Variants in DNAH14 observed in about 807,000 individuals in gnomAD.
DNAH14 encodes the protein dynein axonemal heavy chain 14.
Under a neutral mutation model 520.9 loss-of-function variants are expected in DNAH14, and 478 were observed. The ratio of observed to expected loss-of-function variants is 0.92; its 90% CI spans 0.85 to 0.99. The LOEUF (loss-of-function observed/expected upper bound fraction) is 0.99, where lower values mean the gene tolerates loss of function less well. DNAH14 is among the 50% of genes least tolerant of loss of function. The pLI is 0.00. For missense variants in DNAH14, 4,831 were observed against 5,234.5 expected (o/e 0.92, Z 2.38); for synonymous variants, 1,581 against 1,757.2 (o/e 0.90, Z 2.51).
chr1:224,982,980 G>A (rs1460811114), intron 8 of DNAH14, among the ~76,000 whole-genome samples: 1 of 152,126 alleles, frequency 6.6e-6, no homozygotes, highest in Non-Finnish European at 1.5e-5. Context: ...TTGTTCCGAG[G>A]TACAGTTTAA....
At chr1:225,116,530 T>C (rs1357715709) in intron 23 of DNAH14, among the ~76,000 whole-genome samples, 1 of 152,262 alleles carries the variant, frequency 6.6e-6, no homozygotes, top group Admixed American at 6.5e-5. Context: ...ATCTAATACC[T>C]ACAGGACATT....
chr1:225,082,487 T>C (rs969828751), intron 19 of DNAH14, 62 bp from the exon 20 acceptor site: 1 of 1,255,284 alleles, frequency 8.0e-7, no homozygotes, highest in African/African-American at 1.5e-5. Flanking sequence ...ATTTTCTCAA[T>C]TTTTTTGGTT....
chr1:225,351,709 T>G lies in DNAH14; in HGVS notation c.11359T>G (p.Cys3787Gly), dbSNP rs1574970826. The G allele has an allele frequency of 6.4e-7, 1 of 1,551,214 alleles. No individual in the cohort carries two copies. The highest frequency in any genetic ancestry group is 8.7e-7 in the Non-Finnish European group (1 of 1,146,696). ...QWLSDSRWRQ[C>G]QYVSTHLEPF... The stretch of plus-strand genomic sequence containing the variant: ...GCTGTCAGATTCCAGGTGGAGGCAG[T>G]GCCAATATGTCAGCACTCACCTGGA... Residue 3787 changes from cysteine (C) to glycine (G), a missense_variant, in exon 72 of 86, where the codon TGC becomes GGC. Coordinates refer to ENST00000682510, the MANE Select transcript of DNAH14 (RefSeq NM_001367479.1).
intron 11 of DNAH14, among the ~76,000 whole-genome samples, chr1:225,027,344 G>A (rs2066195143): frequency 6.6e-6 from 1 of 152,132 alleles, no homozygotes; most frequent in Non-Finnish European, 1.5e-5. Context: ...AGCTCAGGAG[G>A]AAAACATACA....
At chr1:225,278,632 C>T (rs1006875535) in intron 54 of DNAH14, among the ~76,000 whole-genome samples, 2 of 152,146 alleles carry the variant, frequency 1.3e-5, no homozygotes, top group African/African-American at 2.4e-5. Context: ...AGAACATAAG[C>T]TCTACAAGGG....
intron 27 of DNAH14, among the ~76,000 whole-genome samples, chr1:225,123,903 C>T (rs1281269353): frequency 6.6e-6 from 1 of 152,070 alleles, no homozygotes; most frequent in Non-Finnish European, 1.5e-5. Context: ...CAGGTGTGCA[C>T]CACCATGCCT....
Position 225,337,289 on chromosome 1 carries a change from A to G in DNAH14, c.10104A>G (p.Gly3368=), listed in dbSNP as rs1242653197. 1 of 1,551,894 alleles carries G rather than the reference A, an allele frequency of 6.4e-7. No homozygotes were observed. Among genetic ancestry groups the G allele is most frequent in the Admixed American group, 2.0e-5 (1 of 50,984 alleles). Residue 3368 remains glycine (G), a synonymous_variant, in exon 67 of 86, where the codon GGA becomes GGG. Transcript: ENST00000682510. ...AGATCAGCCGATGGCATAATCAGGG[A>G]CTGCCTCATGGTCAGTATTCAGTAG... ...KYEISRWHNQ[G]LPHGQYSVEN...
intron 21 of DNAH14, among the ~76,000 whole-genome samples, chr1:225,091,138 G>T (rs746961499): frequency 2.0e-5 from 3 of 152,106 alleles, no homozygotes; most frequent in Admixed American, 6.6e-5. Context: ...GAAAGAGAGG[G>T]AGAGAAAGAA....
At position 225,059,964 on chromosome 1, in the gene DNAH14, TC is replaced by T. The variant is rs962642665; in HGVS notation, c.2424+8172del. ...TCTCTCTGGCTGCCCTTAACATTTT[TC>T]CCTTCATTTCAACTTTGGTGAATCT... On this transcript the variant is annotated intron_variant, in intron 17 of 85. Transcript: ENST00000682510. Among the ~76,000 whole-genome samples the T allele has an allele frequency of 6.0e-4, 91 of 152,022 alleles. No individual in the cohort carries two copies. In the Middle Eastern group the frequency reaches 0.01, roughly 17 times the overall value.
rs548526434 is a variant in DNAH14, at chr1:225,160,316, A to T, written c.5445+831A>T. Among the ~76,000 whole-genome samples the T allele has an allele frequency of 2.0e-4, 31 of 152,326 alleles. 1 individual carries two copies. In the South Asian group the frequency reaches 6.4e-3, roughly 32 times the overall value. The stretch of plus-strand genomic sequence containing the variant: ...TGAAATCCAACCTGTCTTCAAAAAA[A>T]TACTTTTAAAATTTATTTAGAAAAC... On this transcript the variant is annotated intron_variant, in intron 35 of 85. Transcript: ENST00000682510.
chr1:225,086,011 T>C (rs2073731228), intron 21 of DNAH14, among the ~76,000 whole-genome samples: 1 of 151,928 alleles, frequency 6.6e-6, no homozygotes, highest in Non-Finnish European at 1.5e-5. Flanking sequence ...GCAGAAAAGA[T>C]AAATTTAGAT....
At chr1:225,347,008 A>C (rs2095295635) in intron 71 of DNAH14, among the ~76,000 whole-genome samples, 1 of 152,210 alleles carries the variant, frequency 6.6e-6, no homozygotes, top group East Asian at 1.9e-4. Context: ...TGAAACACAA[A>C]AAGCATGTTT....
At chr1:225,280,701 T>C (rs182767740) in intron 54 of DNAH14, among the ~76,000 whole-genome samples, 3 of 151,988 alleles carry the variant, frequency 2.0e-5, no homozygotes, top group Admixed American at 1.3e-4. Flanking sequence ...AGACACATCA[T>C]AGTCAACCAT....
At chr1:225,312,773 C>A (rs1484656112) in intron 60 of DNAH14, among the ~76,000 whole-genome samples, 1 of 152,186 alleles carries the variant, frequency 6.6e-6, no homozygotes, top group Non-Finnish European at 1.5e-5. Context: ...GTTCAACCAA[C>A]CTTGCGTCCA....
chr1:225,195,666 A>G (rs1365843622), intron 38 of DNAH14, among the ~76,000 whole-genome samples: 1 of 152,070 alleles, frequency 6.6e-6, no homozygotes, highest in Admixed American at 6.6e-5. Context: ...TAGAAAAAAT[A>G]AATAAGGAAC....
chr1:225,392,924 A>T (rs1295560772), intron 84 of DNAH14, among the ~76,000 whole-genome samples: 1 of 152,192 alleles, frequency 6.6e-6, no homozygotes, highest in East Asian at 1.9e-4. Context: ...CTTGGGCTGA[A>T]GCAGAGCACA....
At position 225,303,363 on chromosome 1, in the gene DNAH14, A is replaced by C. The variant is rs2094176197; in HGVS notation, c.8823+16A>C. 1 of 1,540,914 alleles carries C rather than the reference A, an allele frequency of 6.5e-7. No individual in the cohort carries two copies. Among genetic ancestry groups the C allele is most frequent in the Non-Finnish European group, 8.8e-7 (1 of 1,142,336 alleles). ...GAACAGAGAGGTAAATATCTAATGC[A>C]AGTGAAGGTTTCAGTTTATTGACAG... On this transcript the variant is annotated intron_variant, in intron 57 of 85. Transcript: ENST00000682510.
chr1:225,324,041 C>T (rs538539839), intron 62 of DNAH14, among the ~76,000 whole-genome samples, 181 bp from the exon 63 acceptor site: 1 of 152,146 alleles, frequency 6.6e-6, no homozygotes, highest in Non-Finnish European at 1.5e-5. Context: ...GTCTCGAACT[C>T]CTGACCTCTG....
chr1:225,397,881 A>G (rs2096040589), intron 84 of DNAH14: 1 of 151,940 alleles, frequency 6.6e-6, no homozygotes, highest in South Asian at 2.1e-4. Flanking sequence ...CCCGATCTCT[A>G]CTAAAAATAC....
Sources: allele counts gnomAD v4.1 joint callset (sites outside exome capture counted in the v4.1 genomes callset), GRCh38; gene constraint gnomAD v4.1.1; transcripts MANE v1.5; gene names NCBI Gene and HGNC (gene_info 2026-07-23, HGNC 2026-07-21).